The following SAMSN1 variants were observed in gnomAD, a reference collection of about 807,000 sequenced individuals.
SAMSN1 encodes the protein SAM domain, SH3 domain and nuclear localization signals 1, also known as SAM domain-containing protein SAMSN-1.
Under a neutral mutation model 42.0 loss-of-function variants are expected in SAMSN1, and 31 were observed. The ratio of observed to expected loss-of-function variants is 0.74; its 90% CI spans 0.55 to 1.00. SAMSN1 has a LOEUF of 1.00. Ranked by LOEUF, SAMSN1 falls within the 50% of genes least tolerant of loss-of-function variation. The pLI, the probability that SAMSN1 is intolerant of heterozygous loss-of-function variation, is 0.00. For synonymous variants in SAMSN1, 178 were observed against 151.9 expected, an observed-to-expected ratio of 1.17 and a Z score of -1.26; for missense variants, 464 against 439.4, an observed-to-expected ratio of 1.06 and a Z score of -0.50.
At chr21:14,518,859 C>T (rs1459187952) in intron 2 of SAMSN1, among the ~76,000 whole-genome samples, 1 of 152,052 alleles carries the variant, frequency 6.6e-6, no homozygotes, top group East Asian at 1.9e-4. Context: ...TAGAGTTAGC[C>T]TTTTTCTTCT....
chr21:14,527,760 T>TAA (rs71183427), intron 1 of SAMSN1, among the ~76,000 whole-genome samples: 111 of 107,844 alleles, frequency 1.0e-3, no homozygotes, highest in African/African-American at 4.5e-3. Flanking sequence ...AAACTAGAAC[T>TAA]AAAAAAAAAA....
chr21:14,549,460 A>C (rs1980529425), upstream of SAMSN1, among the ~76,000 whole-genome samples: 1 of 152,164 alleles, frequency 6.6e-6, no homozygotes, highest in South Asian at 2.1e-4. Flanking sequence ...CTTCTCTAAC[A>C]TGAAGAGTTG....
chr21:14,499,619 G>A (rs992027482), intron 6 of SAMSN1, among the ~76,000 whole-genome samples: 1 of 151,888 alleles, frequency 6.6e-6, no homozygotes, highest in African/African-American at 2.4e-5. Flanking sequence ...CCATTTAACT[G>A]TGCATTCTTG....
intron 7 of SAMSN1, among the ~76,000 whole-genome samples, chr21:14,497,685 T>C (rs1986968916): frequency 6.6e-6 from 1 of 152,208 alleles, no homozygotes; most frequent in African/African-American, 2.4e-5. Flanking sequence ...CCTTTTTATC[T>C]TTAAAGTTAG....
intron 2 of SAMSN1, among the ~76,000 whole-genome samples, chr21:14,517,778 T>C (rs756415739): frequency 2.6e-5 from 4 of 152,110 alleles, no homozygotes; most frequent in Non-Finnish European, 5.9e-5. Context: ...CTATATGTCA[T>C]AACATAAAAT....
chr21:14,614,354 A>T (rs9653656), intron 3 of SAMSN1, among the ~76,000 whole-genome samples: 2,612 of 152,268 alleles, frequency 0.017, 83 homozygotes, highest in African/African-American at 0.06. Flanking sequence ...AAGTTTGGTG[A>T]TATGAGTTTA....
At chr21:14,520,570 C>T (rs576523604) in intron 2 of SAMSN1, among the ~76,000 whole-genome samples, 9 of 152,122 alleles carry the variant, frequency 5.9e-5, no homozygotes, top group African/African-American at 2.2e-4. Flanking sequence ...ATGCCCTGCA[C>T]GGTACTGGGT....
chr21:14,542,019 GA>G (rs1287286003), intron 1 of SAMSN1, among the ~76,000 whole-genome samples: 1 of 151,148 alleles, frequency 6.6e-6, no homozygotes, highest in Non-Finnish European at 1.5e-5. Flanking sequence ...GAAGGAGAAA[GA>G]AGGAACGAAC....
intron 2 of SAMSN1, among the ~76,000 whole-genome samples, chr21:14,557,088 C>G (rs1369842962): frequency 6.6e-6 from 1 of 152,152 alleles, no homozygotes; most frequent in Non-Finnish European, 1.5e-5. Context: ...CAGTGAAACA[C>G]TCAGACTGTT....
intron 1 of SAMSN1, chr21:14,523,317 C>T (rs1978616626): frequency 6.6e-6 from 1 of 152,164 alleles, no homozygotes; most frequent in South Asian, 2.1e-4. Context: ...CAGAATATTG[C>T]CCCAAGGATG....
At chr21:14,586,275 A>AAG (rs1981914960), upstream of SAMSN1, among the ~76,000 whole-genome samples, 1 of 149,472 alleles carries the variant, frequency 6.7e-6, no homozygotes, top group Admixed American at 6.7e-5. Context: ...AAAAAAAAAA[A>AAG]AAAGAAAAAG....
chr21:14,630,938 T>G (rs764057004), intron 2 of SAMSN1, among the ~76,000 whole-genome samples: 2 of 152,198 alleles, frequency 1.3e-5, no homozygotes, highest in Non-Finnish European at 2.9e-5. Context: ...GTTAAGTGGT[T>G]AGAATACCAA....
intron 2 of SAMSN1, among the ~76,000 whole-genome samples, chr21:14,565,290 A>AC (rs1981079383): frequency 6.6e-6 from 1 of 151,430 alleles, no homozygotes; most frequent in Non-Finnish European, 1.5e-5. Context: ...TCTATCCAAA[A>AC]AAAAAAAAAA....
In SAMSN1 at chr21:14,577,282, ATATTTT is replaced by A. The variant is rs1439128902; in HGVS notation, c.261+4848_261+4853del. On this transcript the variant is annotated intron_variant, in intron 2 of 8. Coordinates refer to the SAMSN1 transcript ENST00000285670. The stretch of plus-strand genomic sequence containing the variant: ...TATATATATATATATATATATATAT[ATATTTT>A]TTTTTTAGAAGAGACAGGGTTTTAC... Among the ~76,000 whole-genome samples the A allele has an allele frequency of 6.7e-4, 34 of 50,498 alleles. 2 individuals are homozygous for A. The highest frequency in any genetic ancestry group is 9.5e-4 in the East Asian group (2 of 2,098). The allele number at this position is 50,498 out of a possible 152,430, so 33.1% of individuals were successfully genotyped here. A position where few individuals can be genotyped will look rare whatever the true frequency, so the allele number is the denominator to read the frequency against.
chr21:14,512,381 T>C, intron 4 of SAMSN1, 63 bp downstream of exon 4: 1 of 1,570,230 alleles, frequency 6.4e-7, no homozygotes, highest in Non-Finnish European at 8.7e-7. Flanking sequence ...TAACTTGTTG[T>C]TTTTTAATTA....
chr21:14,560,823 C>A (rs566234627), intron 2 of SAMSN1, among the ~76,000 whole-genome samples: 1 of 152,184 alleles, frequency 6.6e-6, no homozygotes, highest in Non-Finnish European at 1.5e-5. Context: ...TTCAGCTCTA[C>A]GCTATTGAGC....
chr21:14,598,589 C>A (rs1212562031), intron 6 of SAMSN1, among the ~76,000 whole-genome samples: 2 of 152,166 alleles, frequency 1.3e-5, no homozygotes, highest in African/African-American at 4.8e-5. Flanking sequence ...ATACGTGGGG[C>A]AAAGTGGGTA....
At chr21:14,578,544 A>G (rs562751044) in intron 2 of SAMSN1, among the ~76,000 whole-genome samples, 45 of 152,024 alleles carry the variant, frequency 3.0e-4, no homozygotes, top group South Asian at 2.9e-3. Flanking sequence ...TAAGCCGGGC[A>G]TGGTGGCGGG....
chr21:14,559,813 C>T (rs1980887928), intron 2 of SAMSN1, among the ~76,000 whole-genome samples: 1 of 152,014 alleles, frequency 6.6e-6, no homozygotes, highest in Non-Finnish European at 1.5e-5. Context: ...GCCTCAAAAT[C>T]CCTCTTTTAG....
Sources: gnomAD v4.1 joint callset for allele counts (sites outside exome capture counted in the v4.1 genomes callset) on GRCh38, gnomAD v4.1.1 for gene constraint, MANE v1.5 for transcripts, NCBI Gene and HGNC (gene_info 2026-07-23, HGNC 2026-07-21) for gene names.